STK32C: variants seen among roughly 807,000 people sequenced by gnomAD.
STK32C encodes serine/threonine-protein kinase 32C.
In STK32C, 31 loss-of-function variants were observed where a neutral mutation model predicts 56.5. The observed-to-expected ratio is 0.55, with a 90% CI of 0.41 to 0.74. The LOEUF is 0.74. Among genes scored for constraint, STK32C ranks in the 30% least tolerant of loss-of-function variants. The pLI, the probability that STK32C is intolerant of heterozygous loss-of-function variation, is 0.00. For missense variants in STK32C, 544 were observed against 676.9 expected, an observed-to-expected ratio of 0.80 and a Z score of 2.18; for synonymous variants, 309 against 289.4, an observed-to-expected ratio of 1.07 and a Z score of -0.69.
chr10:132,276,664 A>G (rs764824119), intron 1 of STK32C, among the ~76,000 whole-genome samples: 31 of 151,896 alleles, frequency 2.0e-4, no homozygotes, highest in Non-Finnish European at 5.9e-5. Flanking sequence ...GCACACACCT[A>G]TAGTCCCAGC....
chr10:132,208,304 G>C (rs2062167034), intron 11 of STK32C, among the ~76,000 whole-genome samples, 153 bp from the exon 12 acceptor site: 1 of 152,244 alleles, frequency 6.6e-6, no homozygotes, highest in Non-Finnish European at 1.5e-5. Context: ...CCATGCTCCC[G>C]ATACACTGGC....
At chr10:132,245,788 G>T in intron 2 of STK32C, 112 bp downstream of exon 2, 1 of 1,092,476 alleles carries the variant, frequency 9.2e-7, no homozygotes, top group Non-Finnish European at 1.4e-6. Context: ...CCCAGGTAAG[G>T]CTGCTTCTCC....
chr10:132,215,935 A>G (rs1241867863), intron 10 of STK32C, among the ~76,000 whole-genome samples: 1 of 152,202 alleles, frequency 6.6e-6, no homozygotes, highest in Non-Finnish European at 1.5e-5. Flanking sequence ...ACTTGTTGGG[A>G]ACTACAGCAA....
At chr10:132,308,520 C>G (rs1182214477), upstream of STK32C, among the ~76,000 whole-genome samples, 6 of 151,690 alleles carry the variant, frequency 4.0e-5, no homozygotes, top group Non-Finnish European at 8.8e-5. Context: ...CGGGCAGAGC[C>G]CGGCTCACGG....
chr10:132,231,413 T>C (rs891099368), intron 2 of STK32C, among the ~76,000 whole-genome samples: 3 of 152,230 alleles, frequency 2.0e-5, no homozygotes, highest in African/African-American at 7.2e-5. Context: ...CTTTGGGCTC[T>C]GTGTCCTGGA....
intron 1 of STK32C, among the ~76,000 whole-genome samples, chr10:132,274,697 A>G (rs901349486): frequency 5.3e-5 from 8 of 152,184 alleles, no homozygotes; most frequent in Non-Finnish European, 8.8e-5. Context: ...AACCCGGCTG[A>G]GCGCAAACCT....
At chr10:132,298,504 T>G (rs1174898594) in intron 1 of STK32C, among the ~76,000 whole-genome samples, 1 of 151,648 alleles carries the variant, frequency 6.6e-6, no homozygotes, top group Non-Finnish European at 1.5e-5. Context: ...GAGGATGAGC[T>G]GGACTTGCTC....
intron 1 of STK32C, among the ~76,000 whole-genome samples, chr10:132,328,784 TACA>T (rs1027986353): frequency 3.3e-4 from 51 of 152,340 alleles, no homozygotes; most frequent in African/African-American, 1.2e-3. Flanking sequence ...TGAAAAAACA[TACA>T]ACTTCTGCAG....
intron 1 of STK32C, chr10:132,249,204 G>A (rs1412457033): frequency 2.7e-6 from 1 of 363,924 alleles, no homozygotes; most frequent in East Asian, 7.6e-5. Flanking sequence ...GGGCGGGGCC[G>A]TGGGGTTGCG....
At chr10:132,247,538 C>T (rs1240379241) in intron 1 of STK32C, among the ~76,000 whole-genome samples, 1 of 152,150 alleles carries the variant, frequency 6.6e-6, no homozygotes, top group Non-Finnish European at 1.5e-5. Flanking sequence ...GACGCCTGTG[C>T]TGGGCCCTCC....
Position 132,297,480 on chromosome 10 carries a change from C to A in STK32C, c.262+10092G>T, listed in dbSNP as rs141349882. On this transcript the variant is annotated intron_variant, in intron 1 of 11. Coordinates refer to ENST00000298630, the MANE Select transcript of STK32C (RefSeq NM_173575.4). ...GGCCACGCACTCTGGGGCTGGGGTC[C>A]CAGGGTCCAATGCTTTCTTCAGAAC... Among the ~76,000 whole-genome samples the A allele has an allele frequency of 4.9e-3, 746 of 152,320 alleles. 2 individuals carry two copies. The highest frequency in any genetic ancestry group is 0.016 in the African/African-American group (664 of 41,580).
exon 1 of STK32C, chr10:132,331,448 C>A (rs770926950): frequency 6.2e-7 from 1 of 1,610,570 alleles, no homozygotes; most frequent in South Asian, 1.1e-5. Flanking sequence ...CGTTTCCTCG[C>A]CCCCCTCACT....
intron 1 of STK32C, among the ~76,000 whole-genome samples, chr10:132,330,012 G>A (rs1326651851): frequency 6.6e-6 from 1 of 152,210 alleles, no homozygotes; most frequent in Non-Finnish European, 1.5e-5. Context: ...ATCAAGACAG[G>A]AAATGACTCA....
chr10:132,315,002 C>T (rs1285275751), intron 1 of STK32C, among the ~76,000 whole-genome samples: 9 of 152,206 alleles, frequency 5.9e-5, no homozygotes, highest in African/African-American at 2.2e-4. Flanking sequence ...GGCGTGGTGG[C>T]GCATGTCTGT....
At chr10:132,234,076 C>T (rs1482000040) in intron 2 of STK32C, among the ~76,000 whole-genome samples, 1 of 152,222 alleles carries the variant, frequency 6.6e-6, no homozygotes. Flanking sequence ...GGAGATGCTG[C>T]TCCTGAGTGG....
chr10:132,211,986 G>C (rs2062318325), intron 10 of STK32C, among the ~76,000 whole-genome samples: 2 of 152,108 alleles, frequency 1.3e-5, no homozygotes, highest in Non-Finnish European at 2.9e-5. Context: ...CACATGCTGA[G>C]ACACAGCCTC....
intron 1 of STK32C, among the ~76,000 whole-genome samples, chr10:132,292,349 CG>C (rs1382889659): frequency 2.0e-5 from 3 of 152,160 alleles, no homozygotes; most frequent in African/African-American, 7.2e-5. Context: ...CCTCTCCATC[CG>C]GGCACTCAAT....
intron 1 of STK32C, among the ~76,000 whole-genome samples, chr10:132,248,004 G>A (rs2063749378): frequency 6.6e-6 from 1 of 152,176 alleles, no homozygotes; most frequent in African/African-American, 2.4e-5. Context: ...AGCTGACACA[G>A]CCTCCACGAG....
intron 1 of STK32C, among the ~76,000 whole-genome samples, chr10:132,268,627 TTGTG>T (rs766969809): frequency 1.2e-4 from 14 of 117,452 alleles, no homozygotes; most frequent in African/African-American, 3.6e-4. Context: ...ATGTCCCACA[TTGTG>T]TGTGTGTGTG....
Sources: gnomAD v4.1 joint callset for allele counts (sites outside exome capture counted in the v4.1 genomes callset) on GRCh38, gnomAD v4.1.1 for gene constraint, MANE v1.5 for transcripts, NCBI Gene and HGNC (gene_info 2026-07-23, HGNC 2026-07-21) for gene names.